Variants in RIMKLB observed in about 807,000 individuals in gnomAD.
RIMKLB encodes ribosomal modification protein rimK like family member B.
RIMKLB carries 7 observed loss-of-function variants against 32.0 expected under a neutral mutation model. That is an observed-to-expected ratio of 0.22 (90% CI 0.12 to 0.41). The LOEUF (loss-of-function observed/expected upper bound fraction) is 0.41, where lower values mean the gene tolerates loss of function less well. Among genes scored for constraint, RIMKLB ranks in the 10% least tolerant of loss-of-function variants. RIMKLB has a pLI of 1.00. For synonymous variants in RIMKLB, 172 were observed against 185.1 expected (o/e 0.93, Z 0.57); for missense variants, 289 against 498.7 (o/e 0.58, Z 4.00).
chr12:8,694,986 C>A (rs902361309), upstream of RIMKLB, among the ~76,000 whole-genome samples: 2 of 152,144 alleles, frequency 1.3e-5, no homozygotes, highest in African/African-American at 4.8e-5. Context: ...ATTTGAGTTA[C>A]CTCATTCATC....
chr12:8,729,599 G>A (rs1009387836), intron 2 of RIMKLB, among the ~76,000 whole-genome samples: 1 of 152,136 alleles, frequency 6.6e-6, no homozygotes, highest in South Asian at 2.1e-4. Context: ...CAGGAAAACA[G>A]GGATGTAAAT....
intron 1 of RIMKLB, among the ~76,000 whole-genome samples, chr12:8,708,912 A>T (rs1359098728): frequency 2.0e-5 from 3 of 152,220 alleles, no homozygotes; most frequent in African/African-American, 7.2e-5. Context: ...ATTTCAAAAA[A>T]GGTACTTTTG....
In RIMKLB at chr12:8,773,961, C is replaced by G; in HGVS notation, c.*177C>G. ...ACCTCTGCTAGTAAGATGTTACTTT[C>G]ATTTACAAATCCTACAAATAGAGAG... On this transcript the variant is annotated 3_prime_UTR_variant, in exon 6 of 6. Coordinates refer to ENST00000535829, the MANE Select transcript of RIMKLB (RefSeq NM_001297776.2). 5 of 1,401,080 alleles carry G rather than the reference C, an allele frequency of 3.6e-6. No individual in the cohort carries two copies. Among genetic ancestry groups the G allele is most frequent in the Non-Finnish European group, 4.6e-6 (5 of 1,081,440 alleles). The allele number at this position is 1,401,080 out of a possible 1,614,324, so 86.8% of individuals were successfully genotyped here.
At chr12:8,740,947 G>A (rs765313628) in intron 2 of RIMKLB, among the ~76,000 whole-genome samples, 17 of 152,118 alleles carry the variant, frequency 1.1e-4, no homozygotes, top group Admixed American at 3.3e-4. Context: ...GGTGGCTCAC[G>A]CCTGTAATCC....
chr12:8,672,876 C>G, the RIMKLB span, among the ~76,000 whole-genome samples: 1 of 152,102 alleles, frequency 6.6e-6, no homozygotes, highest in African/African-American at 2.4e-5. Context: ...TCCTGTATAG[C>G]CTGTGGAATC....
At chr12:8,740,132 C>A (rs891678369) in intron 2 of RIMKLB, among the ~76,000 whole-genome samples, 7 of 151,994 alleles carry the variant, frequency 4.6e-5, no homozygotes, top group African/African-American at 1.7e-4. Context: ...TCTCAGACTC[C>A]TCACCTCAAG....
the RIMKLB span, among the ~76,000 whole-genome samples, chr12:8,670,516 C>A: frequency 6.6e-6 from 1 of 152,230 alleles, no homozygotes; most frequent in Non-Finnish European, 1.5e-5. Context: ...CCATCCAGGC[C>A]ACAGTGATAC....
intron 5 of RIMKLB, among the ~76,000 whole-genome samples, chr12:8,765,062 G>T (rs757648260): frequency 6.6e-6 from 1 of 151,470 alleles, no homozygotes; most frequent in Non-Finnish European, 1.5e-5. Context: ...CACTTCTGAA[G>T]TTTTTTTCTA....
intron 1 of RIMKLB, among the ~76,000 whole-genome samples, chr12:8,700,811 A>G (rs1362981866): frequency 6.6e-6 from 1 of 152,204 alleles, no homozygotes; most frequent in Non-Finnish European, 1.5e-5. Flanking sequence ...CACACCTGTA[A>G]TCCCAGCACT....
At chr12:8,701,876 G>A (rs1424479713) in intron 1 of RIMKLB, among the ~76,000 whole-genome samples, 4 of 151,612 alleles carry the variant, frequency 2.6e-5, no homozygotes, top group African/African-American at 2.4e-5. Flanking sequence ...GTGGTGGTGT[G>A]CGTCTGTAAT....
At chr12:8,737,031 T>C (rs1241908834) in intron 2 of RIMKLB, among the ~76,000 whole-genome samples, 3 of 152,168 alleles carry the variant, frequency 2.0e-5, no homozygotes, top group Non-Finnish European at 4.4e-5. Context: ...CAGGCTGGTC[T>C]TGAACTCCTA....
chr12:8,767,633 C>T (rs1353114280), intron 5 of RIMKLB, among the ~76,000 whole-genome samples: 14 of 152,290 alleles, frequency 9.2e-5, no homozygotes, highest in Admixed American at 3.9e-4. Context: ...CTTCTGTCTG[C>T]GCCATGATCT....
intron 2 of RIMKLB, among the ~76,000 whole-genome samples, chr12:8,715,666 ACTT>A (rs938336532): frequency 2.0e-5 from 3 of 152,192 alleles, no homozygotes; most frequent in African/African-American, 7.2e-5. Context: ...ATAAGAGTCT[ACTT>A]CATTTTTTCA....
chr12:8,709,138 C>G (rs1944151450), intron 1 of RIMKLB, among the ~76,000 whole-genome samples: 1 of 152,138 alleles, frequency 6.6e-6, no homozygotes, highest in Non-Finnish European at 1.5e-5. Context: ...ATTGGGTAAC[C>G]AAGTTTACTC....
At chr12:8,742,668 C>T in intron 2 of RIMKLB, 1 of 228,640 alleles carries the variant, frequency 4.4e-6, no homozygotes, top group Non-Finnish European at 8.7e-6. Flanking sequence ...GATATATCCT[C>T]TAGGAATGCT....
the RIMKLB span, among the ~76,000 whole-genome samples, chr12:8,674,339 T>C: frequency 0.032 from 4,671 of 144,666 alleles, 236 homozygotes; most frequent in African/African-American, 0.11. Flanking sequence ...CCCGGGCTCA[T>C]GCCATTCTCC....
At chr12:8,708,537 A>C (rs1285795637) in intron 1 of RIMKLB, among the ~76,000 whole-genome samples, 1 of 152,142 alleles carries the variant, frequency 6.6e-6, no homozygotes, top group African/African-American at 2.4e-5. Context: ...TCCTTTGTTT[A>C]TTAAGGAAAT....
At chr12:8,670,417 A>G in the RIMKLB span, among the ~76,000 whole-genome samples, 1 of 152,218 alleles carries the variant, frequency 6.6e-6, no homozygotes, top group South Asian at 2.1e-4. Flanking sequence ...TGGCCAAGAC[A>G]AAGGGGTTAC....
chr12:8,765,419 C>A (rs1016441643), intron 5 of RIMKLB, among the ~76,000 whole-genome samples: 1 of 152,072 alleles, frequency 6.6e-6, no homozygotes, highest in African/African-American at 2.4e-5. Flanking sequence ...ACTGAGATAC[C>A]AGAGATCACC....
Sources: gnomAD v4.1 joint callset for allele counts (sites outside exome capture counted in the v4.1 genomes callset) on GRCh38, gnomAD v4.1.1 for gene constraint, MANE v1.5 for transcripts, NCBI Gene and HGNC (gene_info 2026-07-23, HGNC 2026-07-21) for gene names.